CSMD1: variants seen among roughly 807,000 people sequenced by gnomAD.
CSMD1 encodes CUB and Sushi multiple domains 1, also known as CUB and sushi domain-containing protein 1.
A neutral mutation model predicts 417.5 loss-of-function variants in CSMD1; 213 were observed. The observed-to-expected ratio is 0.51, with a 90% CI of 0.46 to 0.57. The LOEUF is 0.57. Ranked by LOEUF, CSMD1 falls within the 20% of genes least tolerant of loss-of-function variation. The pLI is 0.00. For synonymous variants in CSMD1, 2,862 were observed against 1,736.8 expected (o/e 1.65, Z -16.11); for missense variants, 6,923 against 4,529.7 (o/e 1.53, Z -15.17).
At chr8:3,947,974 G>C (rs778158029) in intron 5 of CSMD1, among the ~76,000 whole-genome samples, 2 of 152,188 alleles carry the variant, frequency 1.3e-5, no homozygotes, top group Non-Finnish European at 1.5e-5. Context: ...GGGAGGCCAA[G>C]GCAGGTGGAT....
intron 2 of CSMD1, among the ~76,000 whole-genome samples, chr8:4,541,897 C>T (rs1208091224): frequency 1.3e-5 from 2 of 152,112 alleles, no homozygotes; most frequent in Non-Finnish European, 2.9e-5. Context: ...GGCGCCGCAC[C>T]TGTAGCTGCA....
At position 4,333,377 on chromosome 8, in the gene CSMD1, G is replaced by A. The variant is rs191715180; in HGVS notation, c.415+86576C>T. ...GCAGGGTTACTAGCACAGGCTCCAGGGACGGCTGACAGGGGTTGAATTTCT... is the reference window on the plus strand; with the variant it reads ...GCAGGGTTACTAGCACAGGCTCCAGAGACGGCTGACAGGGGTTGAATTTCT... On this transcript the variant is annotated intron_variant, in intron 3 of 69. Transcript: ENST00000635120. Among the ~76,000 whole-genome samples the A allele has an allele frequency of 4.6e-5, 7 of 152,202 alleles. No individual in the cohort carries two copies. The East Asian group carries it at 1.4e-3, about 30-fold the overall frequency.
At chr8:4,056,946 T>C (rs138967668) in intron 3 of CSMD1, among the ~76,000 whole-genome samples, 1 of 152,170 alleles carries the variant, frequency 6.6e-6, no homozygotes, top group Non-Finnish European at 1.5e-5. Context: ...TGTTGGACAT[T>C]TGGGTTGGTT....
intron 3 of CSMD1, among the ~76,000 whole-genome samples, chr8:4,206,912 G>T (rs73658478): frequency 1.3e-5 from 2 of 152,034 alleles, no homozygotes; most frequent in African/African-American, 2.4e-5. Flanking sequence ...TTATAATTTA[G>T]AGTTGGGCAA....
At chr8:4,912,466 G>T (rs1177460734) in intron 1 of CSMD1, among the ~76,000 whole-genome samples, 1 of 151,850 alleles carries the variant, frequency 6.6e-6, no homozygotes, top group Non-Finnish European at 1.5e-5. Context: ...CGGGAGGAGA[G>T]CATTTCTAGA....
At chr8:4,128,503 C>A (rs1281285438) in intron 3 of CSMD1, among the ~76,000 whole-genome samples, 1 of 152,132 alleles carries the variant, frequency 6.6e-6, no homozygotes, top group Non-Finnish European at 1.5e-5. Flanking sequence ...ACCAAACAAA[C>A]AAACACATTG....
At chr8:4,071,197 T>C (rs926796035) in intron 3 of CSMD1, among the ~76,000 whole-genome samples, 8 of 152,084 alleles carry the variant, frequency 5.3e-5, no homozygotes, top group Non-Finnish European at 1.0e-4. Context: ...TCTCCCTCTC[T>C]TTCTCCTTCC....
At chr8:4,214,070 C>G (rs1563285083) in intron 3 of CSMD1, among the ~76,000 whole-genome samples, 1 of 152,200 alleles carries the variant, frequency 6.6e-6, no homozygotes, top group Middle Eastern at 3.4e-3. Context: ...AATATCTGAC[C>G]TACTGAATTA....
Position 3,308,360 on chromosome 8 carries a change from A to C in CSMD1, c.3775T>G (p.Leu1259Val), listed in dbSNP as rs756596365. The C allele has an allele frequency of 2.5e-6, 4 of 1,613,570 alleles. No individual in the cohort carries two copies. In the South Asian group the frequency reaches 3.3e-5, roughly 13 times the overall value. ...AMHGSNTLTCLSGDRRVWDKP... is the reference protein window; with the variant it reads ...AMHGSNTLTCVSGDRRVWDKP... Reference sequence around the variant, plus strand: ...TCCCACACTCTCCTGTCTCCACTCAAACAGGTCAGGGTGTTGCTGCCATGC... The same window carrying C: ...TCCCACACTCTCCTGTCTCCACTCACACAGGTCAGGGTGTTGCTGCCATGC... Residue 1259 changes from leucine (L) to valine (V), a missense_variant, in exon 24 of 70, where the codon TTG (leucine) becomes GTG (valine). Coordinates refer to ENST00000635120, the MANE Select transcript of CSMD1 (RefSeq NM_033225.6).
chr8:4,607,746 C>G (rs940289750), intron 2 of CSMD1, among the ~76,000 whole-genome samples: 1 of 152,204 alleles, frequency 6.6e-6, no homozygotes, highest in Non-Finnish European at 1.5e-5. Context: ...GTAGCAGCCT[C>G]AAACCGCTTG....
rs544412436 is a variant in CSMD1, at chr8:3,775,190, A to G, written c.819-21148T>C. Among the ~76,000 whole-genome samples the G allele has an allele frequency of 1.6e-4, 25 of 152,370 alleles. No homozygotes were observed. The South Asian group carries it at 4.6e-3, about 28-fold the overall frequency. ...CTTTATTTATACCAAACTTAAGTCC[A>G]AAAAAGAATTTTGAAAGGTTTAGAT... On this transcript the variant is annotated intron_variant, in intron 5 of 69. Coordinates refer to ENST00000635120, the MANE Select transcript of CSMD1 (RefSeq NM_033225.6).
chr8:4,166,208 A>T lies in CSMD1; in HGVS notation c.416-134109T>A, dbSNP rs188694350. Among the ~76,000 whole-genome samples the T allele has an allele frequency of 1.0e-3, 159 of 152,326 alleles. 1 individual carries two copies. Among genetic ancestry groups the T allele is most frequent in the African/African-American group, 3.7e-3 (153 of 41,578 alleles). ...CAAATGCAAAATAGTCAGTTTTATG[A>T]CATATTTCATTTAACCCAATATATC... On this transcript the variant is annotated intron_variant, in intron 3 of 69. Transcript: ENST00000635120.
chr8:4,115,087 G>C lies in CSMD1; in HGVS notation c.416-82988C>G, dbSNP rs533336377. 3.3e-5 allele frequency among the ~76,000 whole-genome samples: 5 copies of C among 152,282 alleles called. No homozygotes were observed. The South Asian group carries it at 8.3e-4, about 25-fold the overall frequency. ...ACTCCGAGCAAAATGCTGTCAAACG[G>C]AATTGAAACCTAGAGATAAATCTTT... On this transcript the variant is annotated intron_variant, in intron 3 of 69. Coordinates refer to ENST00000635120, the MANE Select transcript of CSMD1 (RefSeq NM_033225.6).
At position 3,038,036 on chromosome 8, in the gene CSMD1, T is replaced by C. The variant is rs1311742803; in HGVS notation, c.7661-8523A>G. On this transcript the variant is annotated intron_variant, in intron 50 of 69. Transcript: ENST00000635120. ...CTATATTTCTCTGGCCCGGCTTTCT[T>C]ATTTTTTATACTATGGTTATTTTAA... Among the ~76,000 whole-genome samples the C allele has an allele frequency of 2.6e-5, 4 of 152,354 alleles. No homozygotes were observed. The East Asian group carries it at 7.7e-4, about 29-fold the overall frequency.
chr8:3,874,234 G>A (rs961444918), intron 5 of CSMD1, among the ~76,000 whole-genome samples: 1 of 152,162 alleles, frequency 6.6e-6, no homozygotes, highest in Non-Finnish European at 1.5e-5. Context: ...ATTTTCTAAA[G>A]GATGAAGAGC....
At chr8:3,908,720 G>C (rs891932080) in intron 5 of CSMD1, among the ~76,000 whole-genome samples, 2 of 152,160 alleles carry the variant, frequency 1.3e-5, no homozygotes, top group Admixed American at 1.3e-4. Context: ...CAGGCCAGAG[G>C]TCTCAAAGAT....
chr8:4,491,444 G>A (rs76757271), intron 2 of CSMD1, among the ~76,000 whole-genome samples: 8,398 of 152,112 alleles, frequency 0.055, 362 homozygotes, highest in Non-Finnish European at 0.073. Flanking sequence ...CAGCAAAACT[G>A]CCTGTGAAAG....
chr8:4,351,095 G>A (rs563696109), intron 3 of CSMD1, among the ~76,000 whole-genome samples: 2 of 152,128 alleles, frequency 1.3e-5, no homozygotes, highest in East Asian at 1.9e-4. Flanking sequence ...GAAGCCAGAG[G>A]ATCGCCTGAG....
rs1809684127 is a variant in CSMD1 at position 3,926,098 on chromosome 8, C to CAAACACCAT, written c.818+71804_818+71805insATGGTGTTT. 1.3e-4 allele frequency among the ~76,000 whole-genome samples: 11 copies of CAAACACCAT among 81,978 alleles called. 1 individual carries two copies. The highest frequency in any genetic ancestry group is 5.8e-4 in the East Asian group (1 of 1,712). 53.8% of individuals were successfully genotyped at this position (81,978 alleles called of 152,430 possible). ...CAAACACCATACACACACACACACACACACACACACACACACACACACACA... is the reference window on the plus strand; with the variant it reads ...CAAACACCATACACACACACACACACAAACACCATACACACACACACACACACACACACA... On this transcript the variant is annotated intron_variant, in intron 5 of 69. Coordinates refer to ENST00000635120, the MANE Select transcript of CSMD1 (RefSeq NM_033225.6).
Sources: gnomAD v4.1 joint callset for allele counts (sites outside exome capture counted in the v4.1 genomes callset) on GRCh38, gnomAD v4.1.1 for gene constraint, MANE v1.5 for transcripts, NCBI Gene and HGNC (gene_info 2026-07-23, HGNC 2026-07-21) for gene names.